ADAMTS16: variants seen among roughly 807,000 people sequenced by gnomAD.
ADAMTS16 encodes the protein ADAM metallopeptidase with thrombospondin type 1 motif 16.
In ADAMTS16, 94 loss-of-function variants were observed where a neutral mutation model predicts 145.8. That is an observed-to-expected ratio of 0.64 (90% CI 0.55 to 0.77). The LOEUF (loss-of-function observed/expected upper bound fraction) is 0.77, where lower values mean the gene tolerates loss of function less well. Among genes scored for constraint, ADAMTS16 ranks in the 30% least tolerant of loss-of-function variants. The probability of loss-of-function intolerance (pLI) is 0.00; values close to 1 mark genes in which losing one functional copy is unlikely to be tolerated. For missense variants in ADAMTS16, 1,585 were observed against 1,591.5 expected (o/e 1.00, Z 0.07); for synonymous variants, 659 against 604.3 (o/e 1.09, Z -1.33).
At chr5:5,292,735 G>T (rs1243945473) in intron 18 of ADAMTS16, among the ~76,000 whole-genome samples, 2 of 151,938 alleles carry the variant, frequency 1.3e-5, no homozygotes, top group Non-Finnish European at 2.9e-5. Context: ...CACACTGAAG[G>T]CCTCCTTGCC....
chr5:5,215,899 TATATATATATATATA>T (rs1736425139), intron 10 of ADAMTS16, among the ~76,000 whole-genome samples: 1 of 115,592 alleles, frequency 8.7e-6, no homozygotes, highest in Non-Finnish European at 2.0e-5. Flanking sequence ...TATATATATA[TATATATATATATATA>T]TCACAGTTTC....
intron 2 of ADAMTS16, among the ~76,000 whole-genome samples, chr5:5,143,235 A>G (rs1321268151): frequency 2.6e-5 from 4 of 152,252 alleles, no homozygotes; most frequent in Non-Finnish European, 5.9e-5. Context: ...TCCATCTGAC[A>G]ATGGGCTAAT....
intron 3 of ADAMTS16, among the ~76,000 whole-genome samples, chr5:5,160,896 T>C (rs1248494135): frequency 1.3e-5 from 2 of 152,156 alleles, no homozygotes; most frequent in African/African-American, 2.4e-5. Flanking sequence ...TTTATGTGTA[T>C]ACAAAAAACA....
At chr5:5,215,870 G>GTA (rs55703329) in intron 10 of ADAMTS16, among the ~76,000 whole-genome samples, 1,874 of 100,286 alleles carry the variant, frequency 0.019, 28 homozygotes, top group African/African-American at 0.037. Context: ...GTGTGTATGT[G>GTA]TATATATATA....
rs770133400 is a variant in ADAMTS16, at chr5:5,242,104, C to T, written c.2575C>T (p.Arg859Cys). The change falls in exon 17 of 23, where the codon CGC (arginine) becomes TGC (cysteine). Residue 859 changes from arginine (R) to cysteine (C), a missense_variant. This residue lies in a region of ADAMTS16 where 834 missense variants were observed against 811.7 expected (regional missense o/e 1.03). Coordinates refer to ENST00000274181, the MANE Select transcript of ADAMTS16 (RefSeq NM_139056.4). ...PGVAWEYSMP[R>C]LGTEKQPPAQ... ...TGTTGCCTGGGAATACTCCATGCCT[C>T]GCTTGGGGACCGAGAAGCAGCCCCC... 5.5e-5 allele frequency: 89 copies of T among 1,614,058 alleles called. No individual in the cohort carries two copies. The highest frequency in any genetic ancestry group is 1.4e-4 in the South Asian group (13 of 91,086).
In ADAMTS16 at chr5:5,142,135, T is replaced by C. The variant is rs1734185561; in HGVS notation, c.175+1369T>C. On this transcript the variant is annotated intron_variant, in intron 2 of 22. Transcript: ENST00000274181. ...AGAGGGACTCAGGAGATTTCCACAA[T>C]AGTTTATGGCATTTATGAAGTTTTA... 3.3e-5 allele frequency: 5 copies of C among 150,628 alleles called. 1 individual carries two copies. The highest frequency in any genetic ancestry group is 3.3e-4 in the Admixed American group (5 of 15,134). 9.3% of individuals were successfully genotyped at this position (150,628 alleles called of 1,614,324 possible).
chr5:5,208,467 GA>G (rs1278172366), intron 9 of ADAMTS16, among the ~76,000 whole-genome samples: 1 of 152,106 alleles, frequency 6.6e-6, no homozygotes, highest in African/African-American at 2.4e-5. Flanking sequence ...TCTATTTATG[GA>G]AAAAGAAATT....
rs1439527033 is a variant in ADAMTS16 at position 5,319,024 on chromosome 5, T to A, written c.3561T>A (p.Asp1187Glu). The A allele has an allele frequency of 6.2e-7, 1 of 1,609,270 alleles. No individual in the cohort carries two copies. The highest frequency in any genetic ancestry group is 1.7e-5 in the Admixed American group (1 of 59,664). The change falls in exon 23 of 23, where the codon GAT becomes GAA. Residue 1187 changes from aspartate (D) to glutamate (E), a missense_variant and splice_region_variant. Asp to Glu is a conservative substitution (Grantham distance 45). Transcript: ENST00000274181. ...TAATGCAGCTCTGCTCATTTTCAGA[T>A]GCCTTCTGCAAAGACTACTTCCACT... ...THFCPIAEKK[D>E]AFCKDYFHWC... is the part of the protein sequence containing the mutation.
Position 5,193,138 on chromosome 5 carries a change from A to AGTGTGTGTGT in ADAMTS16, c.1313+1364_1313+1373dup, listed in dbSNP as rs146798284. ...CTGAGGCCTCAGACTTGTTCAAAGC[A>AGTGTGTGTGT]GTGTGTGTGTGTGTGTGTGTGTGTG... On this transcript the variant is annotated intron_variant, in intron 8 of 22. Transcript: ENST00000274181. Among the ~76,000 whole-genome samples the AGTGTGTGTGT allele has an allele frequency of 4.0e-3, 598 of 150,672 alleles. 4 individuals carry two copies. The highest frequency in any genetic ancestry group is 0.022 in the East Asian group (113 of 5,102).
intron 11 of ADAMTS16, among the ~76,000 whole-genome samples, chr5:5,227,350 G>A (rs1234297515): frequency 5.3e-5 from 8 of 152,198 alleles, no homozygotes; most frequent in East Asian, 3.8e-4. Flanking sequence ...ATAAGTCATC[G>A]TATCTGTCAA....
Position 5,303,727 on chromosome 5 carries a change from G to T in ADAMTS16, c.3147G>T (p.Lys1049Asn). The T allele has an allele frequency of 6.2e-7, 1 of 1,613,430 alleles. No individual in the cohort carries two copies. Among genetic ancestry groups the T allele is most frequent in the Non-Finnish European group, 8.5e-7 (1 of 1,180,036 alleles). Residue 1049 changes from lysine to asparagine, a missense_variant, in exon 20 of 23, where the codon AAG becomes AAT. Physicochemically the swap from Lys to Asn is moderately conservative, Grantham distance 94. This residue lies in a region of ADAMTS16 where 834 missense variants were observed against 811.7 expected (regional missense o/e 1.03). Transcript: ENST00000274181. ...HEACLLQRCH[K>N]PKKLQWLVSA... ...CCTGTCTGCTTCAGCGCTGCCACAA[G>T]CCCAAGAAGCTGCAGTGGCTGGTGT...
chr5:5,311,546 C>T (rs28553885), intron 21 of ADAMTS16, among the ~76,000 whole-genome samples: 26,961 of 94,110 alleles, frequency 0.29, 2,735 homozygotes, highest in Middle Eastern at 0.42. Context: ...TTAGTCTGCT[C>T]CTTTTTTTTT....
intron 7 of ADAMTS16, among the ~76,000 whole-genome samples, chr5:5,190,771 A>T (rs1735643377): frequency 2.6e-5 from 4 of 152,132 alleles, no homozygotes; most frequent in South Asian, 2.1e-4. Flanking sequence ...ATTGTGCAAA[A>T]GCAAGTTAAC....
At chr5:5,215,551 G>A (rs1282929818) in intron 10 of ADAMTS16, among the ~76,000 whole-genome samples, 1 of 151,642 alleles carries the variant, frequency 6.6e-6, no homozygotes, top group Non-Finnish European at 1.5e-5. Flanking sequence ...TGTTCTCATA[G>A]CTTTGCTCCC....
At chr5:5,261,257 C>T (rs1224053735) in intron 17 of ADAMTS16, among the ~76,000 whole-genome samples, 3 of 152,096 alleles carry the variant, frequency 2.0e-5, no homozygotes, top group Admixed American at 2.0e-4. Flanking sequence ...CTCCCCTCAG[C>T]CTCCTGAGTA....
chr5:5,199,933 G>C (rs1735910196), intron 8 of ADAMTS16, among the ~76,000 whole-genome samples, 199 bp from the exon 9 acceptor site: 1 of 152,200 alleles, frequency 6.6e-6, no homozygotes, highest in African/African-American at 2.4e-5. Flanking sequence ...CAATTTGGTG[G>C]ATGGTCCATT....
intron 17 of ADAMTS16, among the ~76,000 whole-genome samples, chr5:5,242,562 A>G (rs553542201): frequency 2.0e-5 from 3 of 152,300 alleles, no homozygotes; most frequent in Admixed American, 6.5e-5. Flanking sequence ...AAATACACTG[A>G]CCTAGAGTGG....
intron 20 of ADAMTS16, among the ~76,000 whole-genome samples, chr5:5,305,454 A>G (rs1579407384): frequency 1.5e-5 from 1 of 66,648 alleles, no homozygotes. Context: ...ACACATCCAC[A>G]CCACACACAC....
rs1174203719 is a variant in ADAMTS16, at chr5:5,140,606, C to T, written c.73-58C>T. ...CGGACAGCTGGAGGCGAGTCCCCCGCGGCTCCTCTCCCGCGGACCCCGCCG... is the reference window on the plus strand; with the variant it reads ...CGGACAGCTGGAGGCGAGTCCCCCGTGGCTCCTCTCCCGCGGACCCCGCCG... On this transcript the variant is annotated intron_variant, in intron 1 of 22. Coordinates refer to ENST00000274181, the MANE Select transcript of ADAMTS16 (RefSeq NM_139056.4). 2.6e-6 allele frequency: 4 copies of T among 1,519,344 alleles called. No homozygotes were observed. The East Asian group carries it at 7.6e-5, about 29-fold the overall frequency. The allele number at this position is 1,519,344 out of a possible 1,614,324, so 94.1% of individuals were successfully genotyped here.
Sources: allele counts gnomAD v4.1 joint callset (sites outside exome capture counted in the v4.1 genomes callset), GRCh38; gene constraint gnomAD v4.1.1; regional missense constraint gnomAD v4.1.1; transcripts MANE v1.5; gene names NCBI Gene and HGNC (gene_info 2026-07-23, HGNC 2026-07-21).